Variants in EPB41L4A observed in about 807,000 individuals in gnomAD.
EPB41L4A encodes band 4.1-like protein 4A.
A neutral mutation model predicts 108.6 loss-of-function variants in EPB41L4A; 100 were observed. That is an observed-to-expected ratio of 0.92 (90% CI 0.78 to 1.09). EPB41L4A has a LOEUF of 1.09. Among genes scored for constraint, EPB41L4A ranks in the 50% least tolerant of loss-of-function variants. EPB41L4A has a pLI of 0.00. For synonymous variants in EPB41L4A, 319 were observed against 289.0 expected (o/e 1.10, Z -1.05); for missense variants, 1,030 against 842.7 (o/e 1.22, Z -2.75).
intron 9 of EPB41L4A, among the ~76,000 whole-genome samples, chr5:112,255,135 C>T (rs73787794): frequency 2.0e-3 from 301 of 152,170 alleles, no homozygotes; most frequent in African/African-American, 5.9e-3. Flanking sequence ...CAGTCTTTCA[C>T]GGTGGGTGTC....
upstream of EPB41L4A, chr5:112,419,523 G>T (rs1762959031): frequency 4.8e-6 from 2 of 413,484 alleles, no homozygotes; most frequent in Non-Finnish European, 9.7e-6. Context: ...CGTCCGATCG[G>T]CCTGCGGAGT....
intron 2 of EPB41L4A, among the ~76,000 whole-genome samples, chr5:112,283,231 T>A (rs539025222): frequency 9.8e-5 from 15 of 152,290 alleles, no homozygotes; most frequent in African/African-American, 3.4e-4. Flanking sequence ...ATGCTAAGCA[T>A]CACCCTAGAG....
intron 8 of EPB41L4A, among the ~76,000 whole-genome samples, 171 bp downstream of exon 8, chr5:112,259,720 G>A (rs549337772): frequency 5.3e-5 from 8 of 152,294 alleles, no homozygotes; most frequent in African/African-American, 1.9e-4. Context: ...GAAATTTACA[G>A]AGAAAACATA....
intron 18 of EPB41L4A, among the ~76,000 whole-genome samples, chr5:112,172,340 A>C (rs557319304): frequency 6.6e-6 from 1 of 152,100 alleles, no homozygotes; most frequent in Non-Finnish European, 1.5e-5. Flanking sequence ...GCAAAACCCC[A>C]TCTCTACTAA....
rs149469274 is a variant in EPB41L4A at position 112,272,388 on chromosome 5, G to A, written c.335+2938C>T. Among the ~76,000 whole-genome samples the A allele has an allele frequency of 0.014, 2,176 of 151,618 alleles. 220 individuals carry two copies. The East Asian group carries it at 0.26, about 18-fold the overall frequency. ...GAACTCCTGACCTCGTGATCTGCCCGCCTTGGCCTCCTAAAGTGCTGGGAT... is the reference window on the plus strand; with the variant it reads ...GAACTCCTGACCTCGTGATCTGCCCACCTTGGCCTCCTAAAGTGCTGGGAT... On this transcript the variant is annotated intron_variant, in intron 4 of 22. Coordinates refer to ENST00000261486, the MANE Select transcript of EPB41L4A (RefSeq NM_022140.5).
At chr5:112,269,588 A>C (rs9784646) in intron 4 of EPB41L4A, among the ~76,000 whole-genome samples, 16,157 of 152,178 alleles carry the variant, frequency 0.11, 946 homozygotes, top group Middle Eastern at 0.13. Context: ...GGTTTTAATT[A>C]GGATGAACCT....
In EPB41L4A at chr5:112,201,043, A is replaced by G. The variant is rs144453302; in HGVS notation, c.1376+3332T>C. ...TGATTTTAAATGCCAGTGTTAATCCAGCAATGTAGAGGTTTGTGCTGAGTG... is the reference window on the plus strand; with the variant it reads ...TGATTTTAAATGCCAGTGTTAATCCGGCAATGTAGAGGTTTGTGCTGAGTG... On this transcript the variant is annotated intron_variant, in intron 15 of 22. Coordinates refer to ENST00000261486, the MANE Select transcript of EPB41L4A (RefSeq NM_022140.5). 2.8e-3 allele frequency among the ~76,000 whole-genome samples: 431 copies of G among 152,350 alleles called. 1 individual carries two copies. The highest frequency in any genetic ancestry group is 9.9e-3 in the African/African-American group (413 of 41,582).
intron 20 of EPB41L4A, chr5:112,170,010 T>TTG (rs1007139594): frequency 4.0e-5 from 14 of 350,332 alleles, no homozygotes; most frequent in Non-Finnish European, 4.6e-5. Flanking sequence ...ATAAAAAACT[T>TTG]TATCAGTGAG....
At chr5:112,222,102 A>G (rs549909218) in intron 12 of EPB41L4A, among the ~76,000 whole-genome samples, 7 of 152,324 alleles carry the variant, frequency 4.6e-5, no homozygotes, top group African/African-American at 2.4e-5. Flanking sequence ...CAAAGAACTT[A>G]CACATTTTCT....
At chr5:112,156,267 C>G (rs1759643705) in intron 12 of EPB41L4A, among the ~76,000 whole-genome samples, 1 of 152,202 alleles carries the variant, frequency 6.6e-6, no homozygotes, top group Admixed American at 6.5e-5. Flanking sequence ...AAATGACACA[C>G]ACACCATACA....
chr5:112,360,426 G>A lies in EPB41L4A; in HGVS notation c.100-52936C>T, dbSNP rs371121659. ...GTGCCTGGGATTGCAGGCGCGCACC[G>A]CCACGCCTGACTGGTTTTTGTATTT... On this transcript the variant is annotated intron_variant, in intron 1 of 22. Coordinates refer to ENST00000261486, the MANE Select transcript of EPB41L4A (RefSeq NM_022140.5). Among the ~76,000 whole-genome samples the A allele has an allele frequency of 7.0e-3, 1,061 of 152,286 alleles. 8 individuals carry two copies. The highest frequency in any genetic ancestry group is 0.024 in the African/African-American group (1,009 of 41,554).
intron 1 of EPB41L4A, among the ~76,000 whole-genome samples, chr5:112,392,553 A>G (rs185943799): frequency 1.3e-3 from 197 of 152,320 alleles, no homozygotes; most frequent in African/African-American, 4.5e-3. Flanking sequence ...TCCTAAATAT[A>G]TATGCACTCA....
At chr5:112,200,762 A>C (rs1762180748) in intron 15 of EPB41L4A, among the ~76,000 whole-genome samples, 1 of 152,200 alleles carries the variant, frequency 6.6e-6, no homozygotes, top group Non-Finnish European at 1.5e-5. Context: ...ATATGTATTT[A>C]AATATGAACC....
At chr5:112,212,791 A>G (rs1711499161) in intron 12 of EPB41L4A, among the ~76,000 whole-genome samples, 1 of 152,102 alleles carries the variant, frequency 6.6e-6, no homozygotes, top group African/African-American at 2.4e-5. Context: ...AAAGCTGAGT[A>G]AAGGTGAACA....
At chr5:112,151,871 C>T (rs1458684714) in intron 12 of EPB41L4A, among the ~76,000 whole-genome samples, 2 of 152,232 alleles carry the variant, frequency 1.3e-5, no homozygotes, top group East Asian at 3.9e-4. Context: ...GCTGGGATTA[C>T]AGGCACATGC....
chr5:112,278,841 G>C (rs1305131570), intron 3 of EPB41L4A, among the ~76,000 whole-genome samples: 1 of 150,682 alleles, frequency 6.6e-6, no homozygotes, highest in East Asian at 2.0e-4. Context: ...GATCACCTGA[G>C]GTCAGGAATT....
intron 1 of EPB41L4A, among the ~76,000 whole-genome samples, chr5:112,347,319 A>C (rs1757744876): frequency 6.6e-6 from 1 of 152,208 alleles, no homozygotes; most frequent in Admixed American, 6.5e-5. Flanking sequence ...GGTGGAAAGC[A>C]ATGGTAGTTA....
intron 2 of EPB41L4A, among the ~76,000 whole-genome samples, chr5:112,303,532 T>C (rs1022714503): frequency 6.6e-6 from 1 of 151,944 alleles, no homozygotes; most frequent in African/African-American, 2.4e-5. Flanking sequence ...GGAATCACAA[T>C]CGTAGAGAAG....
At chr5:112,358,130 T>A (rs899347773) in intron 1 of EPB41L4A, among the ~76,000 whole-genome samples, 1 of 152,212 alleles carries the variant, frequency 6.6e-6, no homozygotes, top group Non-Finnish European at 1.5e-5. Context: ...CAGTCCAAGA[T>A]GGCAACATTC....
Sources: gnomAD v4.1 joint callset for allele counts (sites outside exome capture counted in the v4.1 genomes callset) on GRCh38, gnomAD v4.1.1 for gene constraint, MANE v1.5 for transcripts, NCBI Gene and HGNC (gene_info 2026-07-23, HGNC 2026-07-21) for gene names.